ZFAND3: variants seen among roughly 807,000 people sequenced by gnomAD.
The protein encoded by ZFAND3 is zinc finger AN1-type containing 3, also known as AN1-type zinc finger protein 3.
Under a neutral mutation model 29.6 loss-of-function variants are expected in ZFAND3, and 10 were observed. The observed-to-expected ratio is 0.34, with a 90% CI of 0.21 to 0.57. The LOEUF (loss-of-function observed/expected upper bound fraction) is 0.57. Among genes scored for constraint, ZFAND3 ranks in the 20% least tolerant of loss-of-function variants. The pLI is 0.86. For synonymous variants in ZFAND3, 128 were observed against 112.6 expected, an observed-to-expected ratio of 1.14 and a Z score of -0.87; for missense variants, 230 against 304.5, an observed-to-expected ratio of 0.76 and a Z score of 1.82.
chr6:38,137,078 T>C (rs1196843227), intron 5 of ZFAND3, among the ~76,000 whole-genome samples: 1 of 152,244 alleles, frequency 6.6e-6, no homozygotes, highest in Non-Finnish European at 1.5e-5. Flanking sequence ...AATTCTGTGT[T>C]GTCTGTACTC....
intron 1 of ZFAND3, among the ~76,000 whole-genome samples, chr6:37,927,380 A>C (rs1359076072): frequency 2.0e-5 from 3 of 152,192 alleles, no homozygotes; most frequent in Non-Finnish European, 4.4e-5. Flanking sequence ...TGGACAAGAG[A>C]TAGTGACCGC....
At chr6:37,885,197 A>G (rs546507388) in intron 1 of ZFAND3, among the ~76,000 whole-genome samples, 1 of 152,234 alleles carries the variant, frequency 6.6e-6, no homozygotes. Flanking sequence ...TTGGGAAAAA[A>G]GGGGTGGGTA....
intron 1 of ZFAND3, among the ~76,000 whole-genome samples, chr6:37,905,705 T>C (rs1765394788): frequency 6.6e-6 from 1 of 152,148 alleles, no homozygotes; most frequent in African/African-American, 2.4e-5. Flanking sequence ...TTTGAGTTAA[T>C]CTTAAAAATG....
intron 2 of ZFAND3, among the ~76,000 whole-genome samples, chr6:37,944,272 A>C (rs932962531): frequency 1.3e-5 from 2 of 152,234 alleles, no homozygotes; most frequent in Admixed American, 1.3e-4. Context: ...CAAAAACACT[A>C]TCTGCATCAT....
At chr6:37,968,988 G>A (rs1433369592) in intron 2 of ZFAND3, among the ~76,000 whole-genome samples, 1 of 152,202 alleles carries the variant, frequency 6.6e-6, no homozygotes, top group Non-Finnish European at 1.5e-5. Flanking sequence ...ACTTCCTAGA[G>A]TGAACTTCCA....
At chr6:38,059,001 C>T (rs943471566) in intron 2 of ZFAND3, among the ~76,000 whole-genome samples, 12 of 152,084 alleles carry the variant, frequency 7.9e-5, no homozygotes, top group African/African-American at 2.7e-4. Flanking sequence ...CCCTCTGGTT[C>T]GAATGCTATG....
chr6:37,842,431 A>G (rs547535044), intron 1 of ZFAND3, among the ~76,000 whole-genome samples: 79 of 152,196 alleles, frequency 5.2e-4, no homozygotes, highest in Admixed American at 4.4e-3. Flanking sequence ...TGTACATTAT[A>G]TACTCTTTGA....
chr6:37,937,324 G>A (rs566773590), intron 2 of ZFAND3, among the ~76,000 whole-genome samples: 117 of 152,276 alleles, frequency 7.7e-4, no homozygotes, highest in African/African-American at 2.7e-3. Context: ...TTGTAAGCTT[G>A]TCATACCTTG....
intron 4 of ZFAND3, among the ~76,000 whole-genome samples, chr6:38,084,612 A>G (rs899051121): frequency 2.2e-4 from 34 of 152,176 alleles, no homozygotes; most frequent in African/African-American, 8.2e-4. Context: ...TTTTATATTG[A>G]TCACGTTCTT....
At chr6:37,957,922 A>G (rs1338890681) in intron 2 of ZFAND3, among the ~76,000 whole-genome samples, 3 of 152,226 alleles carry the variant, frequency 2.0e-5, no homozygotes, top group African/African-American at 4.8e-5. Flanking sequence ...GTTATGCTCT[A>G]TGATTTGTTT....
chr6:37,849,333 C>T (rs10947704), intron 1 of ZFAND3, among the ~76,000 whole-genome samples: 32,033 of 152,080 alleles, frequency 0.21, 4,086 homozygotes, highest in African/African-American at 0.35. Flanking sequence ...GTAAGTAATT[C>T]ATAAACACCT....
chr6:37,895,028 G>A (rs1249620390), intron 1 of ZFAND3, among the ~76,000 whole-genome samples: 1 of 151,950 alleles, frequency 6.6e-6, no homozygotes, highest in East Asian at 1.9e-4. Flanking sequence ...GAGATTTTTG[G>A]ATCAAAGGGC....
chr6:38,039,244 G>GT (rs1319031984), intron 2 of ZFAND3, among the ~76,000 whole-genome samples: 2 of 152,134 alleles, frequency 1.3e-5, no homozygotes, highest in African/African-American at 4.8e-5. Context: ...TTAAAGGACC[G>GT]TAAGTATTAT....
chr6:37,893,327 CAA>C (rs1287442419), intron 1 of ZFAND3, among the ~76,000 whole-genome samples: 1 of 152,062 alleles, frequency 6.6e-6, no homozygotes, highest in Non-Finnish European at 1.5e-5. Context: ...GAATGAAAAA[CAA>C]ATTATATCAT....
chr6:38,150,310 T>A (rs892693432), intron 5 of ZFAND3, among the ~76,000 whole-genome samples: 7 of 152,186 alleles, frequency 4.6e-5, no homozygotes, highest in African/African-American at 1.7e-4. Flanking sequence ...CAATTTAGAG[T>A]CAAACATACT....
chr6:37,871,946 TTTAG>T (rs1248123742), intron 1 of ZFAND3, among the ~76,000 whole-genome samples: 1 of 152,224 alleles, frequency 6.6e-6, no homozygotes, highest in African/African-American at 2.4e-5. Flanking sequence ...TTATTCAGTT[TTTAG>T]TCTTACCTGG....
intron 1 of ZFAND3, among the ~76,000 whole-genome samples, chr6:37,919,104 C>G (rs1189981272): frequency 6.6e-6 from 1 of 152,076 alleles, no homozygotes; most frequent in East Asian, 1.9e-4. Context: ...CAGGCATGCG[C>G]TACCACGCCC....
At chr6:37,986,814 C>T (rs895059139) in intron 2 of ZFAND3, among the ~76,000 whole-genome samples, 5 of 151,980 alleles carry the variant, frequency 3.3e-5, no homozygotes, top group African/African-American at 9.7e-5. Flanking sequence ...ATTAAGAAGC[C>T]TAAGTATTAA....
Position 37,918,143 on chromosome 6 carries a change from C to A in ZFAND3, c.72-11816C>A, listed in dbSNP as rs144285772. ...CCAGGCTGGAGTGCAGTGGTGTGAT[C>A]TCGGCTCACTGCAAGCTCTGCCTCA... is the stretch of plus-strand genomic sequence containing the variant. On this transcript the variant is annotated intron_variant, in intron 1 of 5. Coordinates refer to ENST00000287218, the MANE Select transcript of ZFAND3 (RefSeq NM_021943.3). 7.5e-3 allele frequency among the ~76,000 whole-genome samples: 1,143 copies of A among 151,402 alleles called. 11 individuals carry two copies. Among genetic ancestry groups the A allele is most frequent in the African/African-American group, 0.026 (1,061 of 41,196 alleles).
Sources: allele counts gnomAD v4.1 joint callset (sites outside exome capture counted in the v4.1 genomes callset), GRCh38; gene constraint gnomAD v4.1.1; transcripts MANE v1.5; gene names NCBI Gene and HGNC (gene_info 2026-07-23, HGNC 2026-07-21).